SNAPC5: variants seen among roughly 807,000 people sequenced by gnomAD.
SNAPC5 encodes the protein snRNA-activating protein complex subunit 5.
SNAPC5 carries 12 observed loss-of-function variants against 9.1 expected under a neutral mutation model. The observed-to-expected ratio is 1.32, with a 90% CI of 0.85 to 2.15. SNAPC5 has a LOEUF of 2.15. Ranked by LOEUF, SNAPC5 falls within the 30% of genes most tolerant of loss-of-function variation. The probability of loss-of-function intolerance (pLI) is 0.00; values close to 1 mark genes in which losing one functional copy is unlikely to be tolerated. For missense variants in SNAPC5, 132 were observed against 114.4 expected (o/e 1.15, Z -0.70); for synonymous variants, 52 against 47.3 (o/e 1.10, Z -0.41).
At chr15:66,489,838 A>G (rs1345641452), downstream of SNAPC5, 3 of 1,262,524 alleles carry the variant, frequency 2.4e-6, no homozygotes, top group East Asian at 6.9e-5. Context: ...TCTGTGCAGT[A>G]CTTCCAGAGC....
At position 66,497,691 on chromosome 15, in the gene SNAPC5, G is replaced by A; in HGVS notation, c.41C>T (p.Thr14Met). The A allele has an allele frequency of 6.2e-6, 10 of 1,613,858 alleles. No individual in the cohort carries two copies. The highest frequency in any genetic ancestry group is 7.6e-6 in the Non-Finnish European group (9 of 1,179,996). Reference sequence around the variant, plus strand: ...CAGGGCTGCCTTCAACCGCAGCAGCGTCTCCTCCTCCTTGCGCAGTTCCTG... The same window carrying A: ...CAGGGCTGCCTTCAACCGCAGCAGCATCTCCTCCTCCTTGCGCAGTTCCTG... The part of the protein sequence containing the change: ...RLQELRKEEE[T>M]LLRLKAALHD... Residue 14 changes from threonine (T) to methionine (M), a missense_variant, in exon 1 of 3, where the codon ACG becomes ATG. Physicochemically the swap from Thr to Met is moderately conservative, Grantham distance 81. Coordinates refer to ENST00000316634, the MANE Select transcript of SNAPC5 (RefSeq NM_001329615.2).
In SNAPC5 at chr15:66,494,437, T is replaced by G. The variant is rs1019344790; in HGVS notation, c.296A>C (p.Ter99SerextTer42). ...GACCAGCCTGGCTTTCCCCCTCCTT[T>G]AGGAATCTGATTCTTCTTCCTCTTC... ...EEEEEEESDS[*>S] The change falls in exon 3 of 3, where the codon TAA becomes TCA. Residue 99 changes from the stop codon to serine, a stop_lost. Coordinates refer to ENST00000316634, the MANE Select transcript of SNAPC5 (RefSeq NM_001329615.2). 5 of 1,602,914 alleles carry G rather than the reference T, an allele frequency of 3.1e-6. No homozygotes were observed. The African/African-American group carries it at 4.0e-5, about 13-fold the overall frequency.
At chr15:66,495,032 T>C (rs1414158526) in intron 2 of SNAPC5, 4 of 415,988 alleles carry the variant, frequency 9.6e-6, no homozygotes, top group Middle Eastern at 6.7e-4. Context: ...AGTTTTGACA[T>C]CGTCCTACAA....
downstream of SNAPC5, chr15:66,490,452 GTTT>G: frequency 7.2e-7 from 1 of 1,384,602 alleles, no homozygotes. Context: ...GGTGGGTTTT[GTTT>G]TTTTGTTTCT....
Position 66,494,373 on chromosome 15 carries a change from A to C in SNAPC5, c.*63T>G. 1 of 1,073,508 alleles carries C rather than the reference A, an allele frequency of 9.3e-7. No homozygotes were observed. The highest frequency in any genetic ancestry group is 1.4e-6 in the Non-Finnish European group (1 of 705,728). 66.5% of individuals were successfully genotyped at this position (1,073,508 alleles called of 1,614,324 possible). ...CCAGGGCAAGATGATTTCCTTGAGG[A>C]GAAGTAGCCTGAGCCTTAGAAATGC... On this transcript the variant is annotated 3_prime_UTR_variant, in exon 3 of 3. Coordinates refer to ENST00000316634, the MANE Select transcript of SNAPC5 (RefSeq NM_001329615.2).
At chr15:66,494,720 T>C (rs1893370973) in intron 2 of SNAPC5, among the ~76,000 whole-genome samples, 168 bp from the exon 3 acceptor site, 1 of 152,220 alleles carries the variant, frequency 6.6e-6, no homozygotes, top group Admixed American at 6.5e-5. Context: ...ATTACCAAAA[T>C]GGGGCAACAG....
intron 2 of SNAPC5, 135 bp downstream of exon 2, chr15:66,495,195 G>C: frequency 1.4e-6 from 1 of 719,970 alleles, no homozygotes; most frequent in Non-Finnish European, 2.5e-6. Flanking sequence ...TATTAAACCA[G>C]AAAACTGTTA....
chr15:66,496,565 G>C (rs960394299), intron 1 of SNAPC5, among the ~76,000 whole-genome samples: 1 of 148,552 alleles, frequency 6.7e-6, no homozygotes, highest in African/African-American at 2.5e-5. Flanking sequence ...CCATATAGTT[G>C]CATGCTGGAG....
In SNAPC5 at chr15:66,493,848, AT is replaced by A; in HGVS notation, c.*587del. 1 of 152,112 alleles carries A rather than the reference AT, an allele frequency of 6.6e-6. No homozygotes were observed. The highest frequency in any genetic ancestry group is 1.9e-4 in the East Asian group (1 of 5,196). The allele number at this position is 152,112 out of a possible 1,614,324, so 9.4% of individuals were successfully genotyped here. A position where few individuals can be genotyped will look rare whatever the true frequency, so the allele number is the denominator to read the frequency against. On this transcript the variant is annotated 3_prime_UTR_variant, in exon 3 of 3. Transcript: ENST00000316634. ...CTACTTATAAATTTATTTATAAAACATTTTACCAGTGAGTGATGTCTCAAGT... is the reference window on the plus strand; with the variant it reads ...CTACTTATAAATTTATTTATAAAACATTTACCAGTGAGTGATGTCTCAAGT...
chr15:66,496,459 C>T (rs972770912), intron 1 of SNAPC5, among the ~76,000 whole-genome samples: 1 of 145,838 alleles, frequency 6.9e-6, no homozygotes, highest in Non-Finnish European at 1.5e-5. Context: ...GAGCGAAACT[C>T]TGTCTCAAAA....
chr15:66,495,034 G>A lies in SNAPC5; in HGVS notation c.180+296C>T, dbSNP rs1229219244. 1.7e-5 allele frequency: 7 copies of A among 415,210 alleles called. No individual in the cohort carries two copies. The East Asian group carries it at 1.8e-4, about 11-fold the overall frequency. 25.7% of individuals were successfully genotyped at this position (415,210 alleles called of 1,614,324 possible). ...ACAAAAAATCAAGAGTTTTGACATC[G>A]TCCTACAAAAATCTCCACTCTCCCC... On this transcript the variant is annotated intron_variant, in intron 2 of 2. Transcript: ENST00000316634.
chr15:66,495,061 G>A (rs748070282), intron 2 of SNAPC5: 87 of 471,098 alleles, frequency 1.8e-4, no homozygotes, highest in Non-Finnish European at 8.5e-5. Flanking sequence ...ACTCTCCCCC[G>A]GGTTCATCTG....
At position 66,495,435 on chromosome 15, in the gene SNAPC5, TGAG is replaced by T; in HGVS notation, c.91-19_91-17del. The T allele has an allele frequency of 6.9e-7, 1 of 1,449,430 alleles. No homozygotes were observed. The highest frequency in any genetic ancestry group is 9.7e-7 in the Non-Finnish European group (1 of 1,029,576). The allele number at this position is 1,449,430 out of a possible 1,614,324, so 89.8% of individuals were successfully genotyped here. A position where few individuals can be genotyped will look rare whatever the true frequency, so the allele number is the denominator to read the frequency against. On this transcript the variant is annotated splice_polypyrimidine_tract_variant and intron_variant, in intron 1 of 2. Transcript: ENST00000316634. ...ATTCTTCAACCTAGAAAAGAAGAGTTGAGGACACTTTTCCTTACTATTTCACTG... is the reference window on the plus strand; with the variant it reads ...ATTCTTCAACCTAGAAAAGAAGAGTTGACACTTTTCCTTACTATTTCACTG...
intron 2 of SNAPC5, 194 bp downstream of exon 2, chr15:66,495,136 T>C (rs1893382689): frequency 8.4e-6 from 5 of 592,002 alleles, no homozygotes; most frequent in African/African-American, 1.9e-5. Flanking sequence ...CTTAATTAAT[T>C]AGTGTATAAC....
At position 66,494,310 on chromosome 15, in the gene SNAPC5, T is replaced by TA; in HGVS notation, c.*125_*126insT. The TA allele has an allele frequency of 1.4e-6, 1 of 694,554 alleles. No homozygotes were observed. Among genetic ancestry groups the TA allele is most frequent in the Non-Finnish European group, 2.5e-6 (1 of 396,430 alleles). 43.0% of individuals were successfully genotyped at this position (694,554 alleles called of 1,614,324 possible). A position where few individuals can be genotyped will look rare whatever the true frequency, so the allele number is the denominator to read the frequency against. On this transcript the variant is annotated 3_prime_UTR_variant, in exon 3 of 3. Coordinates refer to ENST00000316634, the MANE Select transcript of SNAPC5 (RefSeq NM_001329615.2). ...CCATTTTTGCAACTACACATCCTCC[T>TA]TATAGTTCTTGCTTTCCTTTCAAGC...
At chr15:66,497,423 C>A (rs749245759) in intron 1 of SNAPC5, 118 of 608,526 alleles carry the variant, frequency 1.9e-4, no homozygotes, top group Non-Finnish European at 3.0e-4. Context: ...CCTAGACTTG[C>A]GAGGTCACGA....
chr15:66,490,947 A>C, downstream of SNAPC5: 1 of 447,302 alleles, frequency 2.2e-6, no homozygotes, highest in Non-Finnish European at 4.1e-6. Context: ...TTCCTGCTCC[A>C]TGACTGGCTG....
At chr15:66,495,231 C>G in intron 2 of SNAPC5, 99 bp downstream of exon 2, 2 of 825,470 alleles carry the variant, frequency 2.4e-6, no homozygotes, top group East Asian at 4.8e-5. Context: ...GCCCTTTGGG[C>G]TAGGTAATGT....
At chr15:66,497,501 T>A (rs767402548) in intron 1 of SNAPC5, 141 bp downstream of exon 1, 1 of 768,018 alleles carries the variant, frequency 1.3e-6, no homozygotes, top group East Asian at 2.5e-5. Context: ...TGTTTGTTTG[T>A]AAACCTCTAA....
Sources: allele counts gnomAD v4.1 joint callset (sites outside exome capture counted in the v4.1 genomes callset), GRCh38; gene constraint gnomAD v4.1.1; transcripts MANE v1.5; gene names NCBI Gene and HGNC (gene_info 2026-07-23, HGNC 2026-07-21).